MCPH1: variants seen among roughly 807,000 people sequenced by gnomAD.
The protein encoded by MCPH1 is microcephalin 1.
Under a neutral mutation model 84.5 loss-of-function variants are expected in MCPH1, and 104 were observed. That is an observed-to-expected ratio of 1.23 (90% CI 1.05 to 1.45). MCPH1 has a LOEUF of 1.45. MCPH1 is among the 40% of genes most tolerant of loss of function. The pLI, the probability that MCPH1 is intolerant of heterozygous loss-of-function variation, is 0.00. For missense variants in MCPH1, 1,498 were observed against 1,005.7 expected, an observed-to-expected ratio of 1.49 and a Z score of -6.62; for synonymous variants, 514 against 366.8, an observed-to-expected ratio of 1.40 and a Z score of -4.58.
At chr8:6,596,514 C>T (rs1372344405) in intron 12 of MCPH1, among the ~76,000 whole-genome samples, 1 of 152,106 alleles carries the variant, frequency 6.6e-6, no homozygotes, top group African/African-American at 2.4e-5. Flanking sequence ...GGGACCTGGC[C>T]GCCAGAGCCG....
chr8:6,459,396 C>G (rs1470639989), intron 9 of MCPH1, among the ~76,000 whole-genome samples: 1 of 152,130 alleles, frequency 6.6e-6, no homozygotes, highest in African/African-American at 2.4e-5. Context: ...CTGCCTCAGC[C>G]TCCCAGGTAG....
chr8:6,456,961 T>C (rs1000945766), intron 9 of MCPH1, among the ~76,000 whole-genome samples: 1 of 152,160 alleles, frequency 6.6e-6, no homozygotes, highest in Non-Finnish European at 1.5e-5. Context: ...GGTACCTGTT[T>C]GACCTTCTGG....
intron 7 of MCPH1, among the ~76,000 whole-genome samples, chr8:6,442,753 G>A (rs1001281074): frequency 5.9e-5 from 9 of 152,190 alleles, no homozygotes; most frequent in African/African-American, 2.2e-4. Context: ...CCCCAGTGGG[G>A]CTCAAGTAAG....
At chr8:6,579,086 A>C (rs1827342963) in intron 12 of MCPH1, among the ~76,000 whole-genome samples, 1 of 152,202 alleles carries the variant, frequency 6.6e-6, no homozygotes, top group South Asian at 2.1e-4. Context: ...ACTGCACCAG[A>C]CTGAGCTGTG....
intron 13 of MCPH1, among the ~76,000 whole-genome samples, chr8:6,629,469 T>G (rs1219699254): frequency 6.6e-6 from 1 of 151,814 alleles, no homozygotes; most frequent in Non-Finnish European, 1.5e-5. Context: ...CTCAAAAAAA[T>G]AAAAATAAAA....
At position 6,643,885 on chromosome 8, in the gene MCPH1, C is replaced by G. The variant is rs1166698670; in HGVS notation, c.*836C>G. ...GAGCAAAGCATCACCAGCAAGTGAT[C>G]ACAATGTCCACTGGCCGCTTTTTGC... On this transcript the variant is annotated 3_prime_UTR_variant, in exon 14 of 14. Coordinates refer to ENST00000344683, the MANE Select transcript of MCPH1 (RefSeq NM_024596.5). 6.6e-6 allele frequency: 1 copy of G among 152,162 alleles called. No individual in the cohort carries two copies. The highest frequency in any genetic ancestry group is 1.5e-5 in the Non-Finnish European group (1 of 68,064). The allele number at this position is 152,162 out of a possible 1,614,324, so 9.4% of individuals were successfully genotyped here. A position where few individuals can be genotyped will look rare whatever the true frequency, so the allele number is the denominator to read the frequency against.
intron 12 of MCPH1, among the ~76,000 whole-genome samples, chr8:6,527,366 G>A (rs994025469): frequency 1.3e-5 from 2 of 152,252 alleles, no homozygotes; most frequent in Non-Finnish European, 2.9e-5. Flanking sequence ...ATCCAGGACT[G>A]TGTTAGGAGA....
intron 13 of MCPH1, among the ~76,000 whole-genome samples, chr8:6,623,262 A>G (rs1387985208): frequency 2.6e-5 from 4 of 151,936 alleles, no homozygotes; most frequent in African/African-American, 9.7e-5. Context: ...GGCAGACACA[A>G]TTCAGCCCAT....
chr8:6,466,339 G>A (rs1040859036), intron 9 of MCPH1, among the ~76,000 whole-genome samples: 1 of 146,408 alleles, frequency 6.8e-6, no homozygotes, highest in Non-Finnish European at 1.5e-5. Flanking sequence ...TTGGAGTCTC[G>A]CTCTGTTGCT....
intron 9 of MCPH1, among the ~76,000 whole-genome samples, chr8:6,466,302 A>G (rs1359212763): frequency 1.3e-5 from 2 of 148,388 alleles, no homozygotes; most frequent in African/African-American, 5.0e-5. Context: ...ACGCCTGGCT[A>G]ATTTTTTTTT....
At chr8:6,472,461 T>TTTTTG (rs1807859750) in intron 9 of MCPH1, among the ~76,000 whole-genome samples, 1 of 152,040 alleles carries the variant, frequency 6.6e-6, no homozygotes. Flanking sequence ...CTTAGACAGT[T>TTTTTG]TTTTGTTTTG....
intron 11 of MCPH1, among the ~76,000 whole-genome samples, chr8:6,496,402 C>G (rs1337825818): frequency 6.6e-6 from 1 of 152,188 alleles, no homozygotes; most frequent in Non-Finnish European, 1.5e-5. Flanking sequence ...CACCACTCAC[C>G]TCCTGCTGTG....
In MCPH1 at chr8:6,526,543, G is replaced by T. The variant is rs571559310; in HGVS notation, c.2214+26614G>T. 1.6e-4 allele frequency among the ~76,000 whole-genome samples: 25 copies of T among 152,120 alleles called. No homozygotes were observed. In the South Asian group the frequency reaches 5.0e-3, roughly 30 times the overall value. On this transcript the variant is annotated intron_variant, in intron 12 of 13. Transcript: ENST00000344683. ...TAGAGGAGAAATCTGAAACATGAAA[G>T]AAAAATATTTGAATTTTAAAAATCT... is the stretch of plus-strand genomic sequence containing the variant.
Position 6,590,719 on chromosome 8 carries a change from C to G in MCPH1, c.2215-30735C>G, listed in dbSNP as rs537802734. Among the ~76,000 whole-genome samples, 10 of 152,326 alleles carry G rather than the reference C, an allele frequency of 6.6e-5. No homozygotes were observed. In the East Asian group the frequency reaches 1.2e-3, roughly 18 times the overall value. On this transcript the variant is annotated intron_variant, in intron 12 of 13. Coordinates refer to ENST00000344683, the MANE Select transcript of MCPH1 (RefSeq NM_024596.5). ...AAAGCAGTTTATTGCCATCTGCTAA[C>G]TCATTTGATTCTTGCAGTAACCCTA... is the stretch of plus-strand genomic sequence containing the variant.
intron 12 of MCPH1, among the ~76,000 whole-genome samples, chr8:6,510,467 T>C (rs1195915960): frequency 6.6e-6 from 1 of 152,326 alleles, no homozygotes. Context: ...ACAGTTTGTA[T>C]TGGAAGAATA....
chr8:6,566,436 G>A (rs1177763887), intron 12 of MCPH1, among the ~76,000 whole-genome samples: 1 of 151,974 alleles, frequency 6.6e-6, no homozygotes, highest in Non-Finnish European at 1.5e-5. Flanking sequence ...CAATAACCGT[G>A]TGTGGCGAGC....
intron 12 of MCPH1, among the ~76,000 whole-genome samples, chr8:6,609,305 A>G (rs751548234): frequency 6.6e-6 from 1 of 152,222 alleles, no homozygotes; most frequent in Non-Finnish European, 1.5e-5. Context: ...GCGTGTGCCC[A>G]CTATCGGGGA....
chr8:6,438,359 T>C (rs1383878293), intron 5 of MCPH1, among the ~76,000 whole-genome samples: 4 of 150,152 alleles, frequency 2.7e-5, no homozygotes, highest in East Asian at 3.9e-4. Flanking sequence ...TAAATGATTC[T>C]TGGTATTTTT....
chr8:6,441,948 CTT>C, intron 6 of MCPH1, 117 bp from the exon 7 acceptor site: 3 of 727,980 alleles, frequency 4.1e-6, no homozygotes, highest in Non-Finnish European at 7.3e-6. Flanking sequence ...TCCCTTCTAA[CTT>C]TGTGATTATA....
Sources: allele counts gnomAD v4.1 joint callset (sites outside exome capture counted in the v4.1 genomes callset), GRCh38; gene constraint gnomAD v4.1.1; transcripts MANE v1.5; gene names NCBI Gene and HGNC (gene_info 2026-07-23, HGNC 2026-07-21).